The following ARHGAP12 variants were observed in gnomAD, a reference collection of about 807,000 sequenced individuals.
ARHGAP12 encodes the protein rho GTPase-activating protein 12.
ARHGAP12 carries 64 observed loss-of-function variants against 108.6 expected under a neutral mutation model. That is an observed-to-expected ratio of 0.59 (90% CI 0.48 to 0.73). The LOEUF (loss-of-function observed/expected upper bound fraction) is 0.73, where lower values mean the gene tolerates loss of function less well. Ranked by LOEUF, ARHGAP12 falls within the 30% of genes least tolerant of loss-of-function variation. The pLI is 0.00. For synonymous variants in ARHGAP12, 312 were observed against 337.2 expected, an observed-to-expected ratio of 0.93 and a Z score of 0.82; for missense variants, 940 against 1,005.9, an observed-to-expected ratio of 0.93 and a Z score of 0.89.
chr10:31,912,992 T>C (rs1305203557), intron 1 of ARHGAP12, among the ~76,000 whole-genome samples: 1 of 152,232 alleles, frequency 6.6e-6, no homozygotes, highest in Non-Finnish European at 1.5e-5. Flanking sequence ...TTCTGTTGAC[T>C]GTTTCCCTTG....
chr10:31,858,669 C>T (rs1836989048), intron 4 of ARHGAP12, among the ~76,000 whole-genome samples: 1 of 152,148 alleles, frequency 6.6e-6, no homozygotes, highest in African/African-American at 2.4e-5. Context: ...GAAATCAGCC[C>T]TACTACGAAT....
chr10:31,877,248 A>G (rs1214179213), intron 3 of ARHGAP12, among the ~76,000 whole-genome samples: 1 of 152,262 alleles, frequency 6.6e-6, no homozygotes, highest in Non-Finnish European at 1.5e-5. Flanking sequence ...GTGCTACCAG[A>G]GGAAGAAACA....
chr10:31,814,813 C>T (rs894306717), intron 13 of ARHGAP12, among the ~76,000 whole-genome samples: 5 of 152,046 alleles, frequency 3.3e-5, no homozygotes, highest in African/African-American at 9.7e-5. Flanking sequence ...CGGTTGTCAA[C>T]GGAAAGAAAT....
intron 1 of ARHGAP12, among the ~76,000 whole-genome samples, chr10:31,915,456 T>C (rs1312322507): frequency 6.6e-6 from 1 of 151,194 alleles, no homozygotes; most frequent in African/African-American, 2.4e-5. Flanking sequence ...GGAGAAATAC[T>C]GAGATGTTGC....
intron 3 of ARHGAP12, among the ~76,000 whole-genome samples, chr10:31,886,396 G>A (rs562979021): frequency 1.3e-5 from 2 of 152,144 alleles, no homozygotes; most frequent in Admixed American, 1.3e-4. Flanking sequence ...TGTACACAGA[G>A]AAAGCAACTT....
intron 9 of ARHGAP12, among the ~76,000 whole-genome samples, chr10:31,838,882 G>T (rs1836134740): frequency 6.6e-6 from 1 of 151,206 alleles, no homozygotes; most frequent in Admixed American, 6.6e-5. Flanking sequence ...CATGCCTGTG[G>T]TCCCAGCTAC....
chr10:31,836,753 A>C (rs1836034118), intron 9 of ARHGAP12, among the ~76,000 whole-genome samples: 1 of 152,176 alleles, frequency 6.6e-6, no homozygotes, highest in South Asian at 2.1e-4. Context: ...GAATACCAGA[A>C]GCCATGCAAG....
At chr10:31,854,872 T>C (rs1836826198) in intron 4 of ARHGAP12, among the ~76,000 whole-genome samples, 1 of 150,872 alleles carries the variant, frequency 6.6e-6, no homozygotes, top group South Asian at 2.1e-4. Context: ...CTCACGTCTG[T>C]AATCCCAGCA....
At chr10:31,856,701 A>G (rs142348459) in intron 4 of ARHGAP12, among the ~76,000 whole-genome samples, 18 of 152,318 alleles carry the variant, frequency 1.2e-4, no homozygotes, top group Middle Eastern at 3.4e-3. Context: ...CCCCAGCAGT[A>G]AAGACTTCCT....
chr10:31,806,426 T>C lies in ARHGAP12; in HGVS notation c.*1232A>G, dbSNP rs1378944419. ...TAACAAAACCTTCCAAACCCTGTGT[T>C]TTATTATACAAAGCAATCTACATTA... On this transcript the variant is annotated 3_prime_UTR_variant, in exon 20 of 20. Transcript: ENST00000344936. 1 of 152,626 alleles carries C rather than the reference T, an allele frequency of 6.6e-6. No homozygotes were observed. The highest frequency in any genetic ancestry group is 1.9e-4 in the East Asian group (1 of 5,200). The allele number at this position is 152,626 out of a possible 1,614,324, so 9.5% of individuals were successfully genotyped here.
At chr10:31,852,729 C>CTTT (rs398013156) in intron 5 of ARHGAP12, 132 bp from the exon 6 acceptor site, 146 of 230,292 alleles carry the variant, frequency 6.3e-4, no homozygotes, top group African/African-American at 3.6e-3. Context: ...ACAAAAAATT[C>CTTT]TTTTTTTTTT....
At chr10:31,906,790 T>C (rs1447895456) in intron 3 of ARHGAP12, among the ~76,000 whole-genome samples, 2 of 152,154 alleles carry the variant, frequency 1.3e-5, no homozygotes, top group Admixed American at 1.3e-4. Flanking sequence ...CGTGCGTACA[T>C]AAATATAAAA....
Position 31,807,468 on chromosome 10 carries a change from A to C in ARHGAP12, c.*190T>G, listed in dbSNP as rs1434900213. ...TTCATAATTACACGCAGTTATATCA[A>C]CTTGCAACAAAGCAGCAAATATGAG... On this transcript the variant is annotated 3_prime_UTR_variant, in exon 20 of 20. Coordinates refer to ENST00000344936, the MANE Select transcript of ARHGAP12 (RefSeq NM_018287.7). The C allele has an allele frequency of 2.2e-6, 1 of 458,754 alleles. No homozygotes were observed. The highest frequency in any genetic ancestry group is 4.2e-5 in the Admixed American group (1 of 23,782). The allele number at this position is 458,754 out of a possible 1,614,324, so 28.4% of individuals were successfully genotyped here.
At chr10:31,812,621 T>C (rs548571531) in intron 15 of ARHGAP12, 86 bp downstream of exon 15, 2 of 828,124 alleles carry the variant, frequency 2.4e-6, no homozygotes, top group South Asian at 1.8e-5. Flanking sequence ...TTCTTACTGT[T>C]TGAAAATGTT....
intron 9 of ARHGAP12, among the ~76,000 whole-genome samples, chr10:31,834,093 T>C (rs559839413): frequency 2.3e-4 from 35 of 152,178 alleles, no homozygotes; most frequent in Non-Finnish European, 3.4e-4. Flanking sequence ...AGCAAAGATC[T>C]TGGGGAAACT....
At position 31,847,744 on chromosome 10, in the gene ARHGAP12, C is replaced by G. The variant is rs530968810; in HGVS notation, c.1171-4158G>C. ...GTGGGTCTAGTCAACAGGGCTCCAC[C>G]CCACAGTCTCCATAGTGCCCAGGCA... On this transcript the variant is annotated intron_variant, in intron 6 of 19. Transcript: ENST00000344936. Among the ~76,000 whole-genome samples, 15 of 152,132 alleles carry G rather than the reference C, an allele frequency of 9.9e-5. No individual in the cohort carries two copies. The East Asian group carries it at 2.3e-3, about 24-fold the overall frequency.
At chr10:31,861,743 A>AT in intron 3 of ARHGAP12, 85 bp from the exon 4 acceptor site, 1 of 1,306,148 alleles carries the variant, frequency 7.7e-7, no homozygotes, top group Non-Finnish European at 1.0e-6. Context: ...ATTTATAAAC[A>AT]ATACTAACTC....
At chr10:31,853,407 G>T (rs918201849) in intron 5 of ARHGAP12, among the ~76,000 whole-genome samples, 4 of 151,988 alleles carry the variant, frequency 2.6e-5, no homozygotes, top group African/African-American at 9.7e-5. Context: ...GGAATATGAG[G>T]GGAAAAAAGA....
intron 3 of ARHGAP12, among the ~76,000 whole-genome samples, chr10:31,871,769 A>C (rs562297669): frequency 1.3e-5 from 2 of 152,352 alleles, no homozygotes; most frequent in South Asian, 4.1e-4. Flanking sequence ...GACGGTTGAC[A>C]GAGAAGAGGT....
Sources: gnomAD v4.1 joint callset for allele counts (sites outside exome capture counted in the v4.1 genomes callset) on GRCh38, gnomAD v4.1.1 for gene constraint, MANE v1.5 for transcripts, NCBI Gene and HGNC (gene_info 2026-07-23, HGNC 2026-07-21) for gene names.